Variants in ARNT observed in about 807,000 individuals in gnomAD.
The protein encoded by ARNT is aryl hydrocarbon receptor nuclear translocator.
A neutral mutation model predicts 105.0 loss-of-function variants in ARNT; 30 were observed. That is an observed-to-expected ratio of 0.29 (90% CI 0.21 to 0.39). The LOEUF (loss-of-function observed/expected upper bound fraction) is 0.39, where lower values mean the gene tolerates loss of function less well. Among genes scored for constraint, ARNT ranks in the 10% least tolerant of loss-of-function variants. The probability of loss-of-function intolerance (pLI) is 1.00; values close to 1 mark genes in which losing one functional copy is unlikely to be tolerated. For synonymous variants in ARNT, 304 were observed against 344.0 expected, an observed-to-expected ratio of 0.88 and a Z score of 1.29; for missense variants, 748 against 978.7, an observed-to-expected ratio of 0.76 and a Z score of 3.15.
chr1:150,841,923 C>T (rs1571334982), intron 5 of ARNT, among the ~76,000 whole-genome samples: 2 of 152,172 alleles, frequency 1.3e-5, no homozygotes, highest in Admixed American at 6.5e-5. Context: ...AGAAAGGATT[C>T]GGTCACCAAA....
intron 12 of ARNT, among the ~76,000 whole-genome samples, chr1:150,827,897 T>C (rs1658601141): frequency 6.6e-6 from 1 of 152,234 alleles, no homozygotes; most frequent in Admixed American, 6.5e-5. Context: ...GTGATTTTAA[T>C]TTGCACTTTC....
At chr1:150,857,167 G>A (rs587671656) in intron 2 of ARNT, among the ~76,000 whole-genome samples, 1 of 152,220 alleles carries the variant, frequency 6.6e-6, no homozygotes, top group South Asian at 2.1e-4. Context: ...CTATAATACT[G>A]TAACCTTTCT....
intron 1 of ARNT, among the ~76,000 whole-genome samples, chr1:150,874,150 A>G (rs150463406): frequency 6.6e-6 from 1 of 152,196 alleles, no homozygotes; most frequent in African/African-American, 2.4e-5. Flanking sequence ...AGTGTAGCAA[A>G]GAATTCTGAC....
At chr1:150,813,868 C>T (rs965817721) in intron 20 of ARNT, among the ~76,000 whole-genome samples, 3 of 152,064 alleles carry the variant, frequency 2.0e-5, no homozygotes, top group Admixed American at 1.3e-4. Context: ...TCAAGTGATC[C>T]GCCTGCCTCA....
At position 150,876,558 on chromosome 1, in the gene ARNT, T is replaced by C. The variant is rs1265421807; in HGVS notation, c.10A>G (p.Thr4Ala). 2.6e-6 allele frequency: 4 copies of C among 1,548,718 alleles called. No homozygotes were observed. The South Asian group carries it at 4.8e-5, about 18-fold the overall frequency. Residue 4 changes from threonine (T) to alanine (A), a missense_variant, in exon 1 of 22, where the codon ACT (threonine) becomes GCT (alanine). Physicochemically the swap from Thr to Ala is moderately conservative, Grantham distance 58. Transcript: ENST00000358595. Reference protein sequence around the residue: MAATTANPEMTSDV... With the variant: MAAATANPEMTSDV... ...GTCTCCTCACCGGGGTTGGCAGTAG[T>C]CGCCGCCATGGCCGCAGATGCCACC...
intron 7 of ARNT, among the ~76,000 whole-genome samples, chr1:150,835,585 A>G (rs1243462039): frequency 6.6e-6 from 1 of 152,194 alleles, no homozygotes; most frequent in Non-Finnish European, 1.5e-5. Context: ...TAGGCAAGAG[A>G]GAGACCCTGT....
At chr1:150,817,859 G>T in intron 15 of ARNT, 61 bp downstream of exon 15, 1 of 1,308,730 alleles carries the variant, frequency 7.6e-7, no homozygotes, top group Non-Finnish European at 1.1e-6. Flanking sequence ...AAATATATGG[G>T]ATTGCAAATG....
intron 14 of ARNT, 35 bp from the exon 15 acceptor site, chr1:150,818,065 G>T: frequency 1.4e-6 from 2 of 1,439,710 alleles, no homozygotes; most frequent in Non-Finnish European, 9.6e-7. Context: ...AGAGGGGGTG[G>T]AGAGGGAGGA....
chr1:150,845,875 C>T (rs1465296733), intron 4 of ARNT, among the ~76,000 whole-genome samples: 1 of 152,102 alleles, frequency 6.6e-6, no homozygotes. Flanking sequence ...GCACTCCAGC[C>T]TGGGCAACAG....
rs922211917 is a variant in ARNT at position 150,810,483 on chromosome 1, G to C, written c.*1538C>G. 9.0e-6 allele frequency: 2 copies of C among 222,166 alleles called. No individual in the cohort carries two copies. Among genetic ancestry groups the C allele is most frequent in the Non-Finnish European group, 1.8e-5 (2 of 110,746 alleles). 13.8% of individuals were successfully genotyped at this position (222,166 alleles called of 1,614,324 possible). A position where few individuals can be genotyped will look rare whatever the true frequency, so the allele number is the denominator to read the frequency against. On this transcript the variant is annotated 3_prime_UTR_variant, in exon 22 of 22. Transcript: ENST00000358595. ...TTTTTTACTCCACTACCTGGCACCA[G>C]ACTGGAGACATAAGGAAGGGAAACT...
At chr1:150,829,612 G>C in intron 11 of ARNT, 2 of 563,404 alleles carry the variant, frequency 3.5e-6, no homozygotes, top group Non-Finnish European at 6.4e-6. Context: ...CAATGAAAAG[G>C]ATCTTTCTTC....
intron 1 of ARNT, among the ~76,000 whole-genome samples, chr1:150,869,658 C>A (rs1667151747): frequency 6.6e-6 from 1 of 151,270 alleles, no homozygotes; most frequent in Non-Finnish European, 1.5e-5. Context: ...GATCCTCCCA[C>A]CACCTCAGCC....
intron 2 of ARNT, among the ~76,000 whole-genome samples, chr1:150,855,527 A>G: frequency 6.6e-6 from 1 of 152,034 alleles, no homozygotes; most frequent in Non-Finnish European, 1.5e-5. Context: ...GCATCACCGC[A>G]CTCCAGCCTG....
At chr1:150,819,521 A>G (rs587682914) in intron 14 of ARNT, among the ~76,000 whole-genome samples, 5 of 152,380 alleles carry the variant, frequency 3.3e-5, no homozygotes, top group South Asian at 4.1e-4. Context: ...CCAAATGTCC[A>G]TTAACGAACA....
chr1:150,852,070 T>C (rs1663721291), intron 3 of ARNT, among the ~76,000 whole-genome samples: 1 of 150,030 alleles, frequency 6.7e-6, no homozygotes, highest in Non-Finnish European at 1.5e-5. Flanking sequence ...AAACAAAAAA[T>C]ACAAATTCCA....
chr1:150,824,266 T>C (rs1657737199), intron 13 of ARNT, among the ~76,000 whole-genome samples: 2 of 151,946 alleles, frequency 1.3e-5, no homozygotes, highest in East Asian at 1.9e-4. Context: ...ATAGGAATAA[T>C]AACTTATTTC....
chr1:150,831,783 A>T lies in ARNT; in HGVS notation c.955+35T>A. The T allele has an allele frequency of 2.7e-6, 4 of 1,482,050 alleles. No homozygotes were observed. The South Asian group carries it at 4.6e-5, about 17-fold the overall frequency. 91.8% of individuals were successfully genotyped at this position (1,482,050 alleles called of 1,614,324 possible). On this transcript the variant is annotated intron_variant, in intron 10 of 21. Transcript: ENST00000358595. Reference sequence around the variant, plus strand: ...ATGGACTCTGTGAGGAACCAACTGTACCAAGGGGAAATATTTACTATTTCA... The same window carrying T: ...ATGGACTCTGTGAGGAACCAACTGTTCCAAGGGGAAATATTTACTATTTCA...
Position 150,834,565 on chromosome 1 carries a change from G to A in ARNT, c.776C>T (p.Ser259Leu). ...CATTCGGCAAATAAACGATCTCCTT[G>A]AGCCCATACACATTCTCATGGAAGA... ...QQSSMRMCMGSRRSFICRMRC... is the reference protein window; with the variant it reads ...QQSSMRMCMGLRRSFICRMRC... Residue 259 changes from serine (S) to leucine (L), a missense_variant, in exon 8 of 22, where the codon TCA becomes TTA. By Grantham distance (145) the Ser-to-Leu change is moderately radical. Coordinates refer to ENST00000358595, the MANE Select transcript of ARNT (RefSeq NM_001668.4). The A allele has an allele frequency of 6.2e-7, 1 of 1,613,954 alleles. No homozygotes were observed. The highest frequency in any genetic ancestry group is 8.5e-7 in the Non-Finnish European group (1 of 1,179,948).
At chr1:150,817,807 C>T in intron 15 of ARNT, 113 bp downstream of exon 15, 1 of 806,508 alleles carries the variant, frequency 1.2e-6, no homozygotes, top group South Asian at 1.9e-5. Flanking sequence ...GAGCAAAACT[C>T]CTTCTCAAAA....
Sources: allele counts gnomAD v4.1 joint callset (sites outside exome capture counted in the v4.1 genomes callset), GRCh38; gene constraint gnomAD v4.1.1; transcripts MANE v1.5; gene names NCBI Gene and HGNC (gene_info 2026-07-23, HGNC 2026-07-21).